CDH13: variants seen among roughly 807,000 people sequenced by gnomAD.
CDH13 encodes cadherin-13.
CDH13 carries 24 observed loss-of-function variants against 63.8 expected under a neutral mutation model. The observed-to-expected ratio is 0.38, with a 90% CI of 0.27 to 0.53. The LOEUF (loss-of-function observed/expected upper bound fraction) is 0.53. Ranked by LOEUF, CDH13 falls within the 20% of genes least tolerant of loss-of-function variation. CDH13 has a pLI of 0.85. For synonymous variants in CDH13, 503 were observed against 355.3 expected (o/e 1.42, Z -4.67); for missense variants, 1,049 against 903.1 (o/e 1.16, Z -2.07).
At chr16:83,776,409 ATTTCT>A (rs1233760450) in intron 11 of CDH13, among the ~76,000 whole-genome samples, 8 of 152,226 alleles carry the variant, frequency 5.3e-5, no homozygotes, top group Admixed American at 5.2e-4. Flanking sequence ...GTAATTATGC[ATTTCT>A]TTTGAGTTTG....
At chr16:82,823,704 A>G (rs964893122) in intron 1 of CDH13, 1 of 152,196 alleles carries the variant, frequency 6.6e-6, no homozygotes, top group Non-Finnish European at 1.5e-5. Context: ...TATATAAAAT[A>G]TAGTATAATA....
chr16:83,700,917 G>T (rs3784949), intron 10 of CDH13, among the ~76,000 whole-genome samples: 1,737 of 152,180 alleles, frequency 0.011, 57 homozygotes, highest in Admixed American at 0.068. Flanking sequence ...ACTAATTTTT[G>T]ATTAACAAGG....
At chr16:83,195,284 G>A (rs957004616) in intron 4 of CDH13, among the ~76,000 whole-genome samples, 18 of 152,152 alleles carry the variant, frequency 1.2e-4, no homozygotes, top group African/African-American at 4.3e-4. Context: ...GATATAATAT[G>A]TGTATTATAG....
intron 3 of CDH13, among the ~76,000 whole-genome samples, chr16:83,041,138 A>C (rs1005583015): frequency 2.3e-4 from 35 of 152,230 alleles, no homozygotes; most frequent in Non-Finnish European, 4.6e-4. Context: ...ACTGGAAGTC[A>C]ATACAAGTTG....
intron 1 of CDH13, among the ~76,000 whole-genome samples, chr16:82,716,822 C>T (rs895095270): frequency 6.6e-6 from 1 of 151,636 alleles, no homozygotes; most frequent in Non-Finnish European, 1.5e-5. Context: ...CAGCCAAGCA[C>T]GTGATAACTA....
chr16:82,844,195 G>T (rs1406704300), intron 1 of CDH13, among the ~76,000 whole-genome samples: 1 of 152,162 alleles, frequency 6.6e-6, no homozygotes, highest in African/African-American at 2.4e-5. Context: ...GATGAAGGAA[G>T]AGAGACAGAG....
At chr16:82,632,106 C>G (rs1473260358) in intron 1 of CDH13, among the ~76,000 whole-genome samples, 1 of 152,150 alleles carries the variant, frequency 6.6e-6, no homozygotes, top group Admixed American at 6.5e-5. Context: ...TCAACATGGC[C>G]GTACTTGACA....
intron 1 of CDH13, among the ~76,000 whole-genome samples, chr16:82,759,512 A>G (rs2034747933): frequency 6.6e-6 from 1 of 151,166 alleles, no homozygotes; most frequent in Non-Finnish European, 1.5e-5. Flanking sequence ...GGGATTGTAT[A>G]TTAATATGTA....
chr16:83,053,682 A>C (rs1361918706), intron 3 of CDH13, among the ~76,000 whole-genome samples: 2 of 152,200 alleles, frequency 1.3e-5, no homozygotes, highest in African/African-American at 4.8e-5. Flanking sequence ...GAGCTATGCT[A>C]TTATCAGAGG....
intron 10 of CDH13, among the ~76,000 whole-genome samples, chr16:83,722,420 G>C (rs1042806387): frequency 6.6e-6 from 1 of 152,202 alleles, no homozygotes; most frequent in Non-Finnish European, 1.5e-5. Context: ...GGGGCCAGTT[G>C]TTACCATCTC....
At chr16:83,671,035 T>C in intron 9 of CDH13, 63 bp downstream of exon 9, 2 of 1,370,564 alleles carry the variant, frequency 1.5e-6, no homozygotes, top group South Asian at 2.9e-5. Flanking sequence ...ATGAGGCAGC[T>C]CATAGAATCA....
rs199899121 is a variant in CDH13 at position 82,706,809 on chromosome 16, AAAAAT to A, written c.45+79682_45+79686del. On this transcript the variant is annotated intron_variant, in intron 1 of 13. Coordinates refer to ENST00000567109, the MANE Select transcript of CDH13 (RefSeq NM_001257.5). Reference sequence around the variant, plus strand: ...ACAGAGCGAGACTCTGTCTCAAAAAAAAAATAAAATAAAAAAGAAGTATAGAGGTC... The same window carrying A: ...ACAGAGCGAGACTCTGTCTCAAAAAAAAAATAAAAAAGAAGTATAGAGGTC... Among the ~76,000 whole-genome samples, 975 of 152,240 alleles carry A rather than the reference AAAAAT, an allele frequency of 6.4e-3. 12 individuals are homozygous for A. Among genetic ancestry groups the A allele is most frequent in the African/African-American group, 0.021 (874 of 41,516 alleles).
intron 11 of CDH13, among the ~76,000 whole-genome samples, chr16:83,775,137 G>A (rs1434131020): frequency 1.3e-5 from 2 of 151,700 alleles, no homozygotes; most frequent in East Asian, 3.9e-4. Context: ...TAGAGAAGGA[G>A]GCCTGACACT....
At chr16:83,134,413 C>T (rs1409431916) in intron 4 of CDH13, among the ~76,000 whole-genome samples, 1 of 152,112 alleles carries the variant, frequency 6.6e-6, no homozygotes, top group East Asian at 1.9e-4. Flanking sequence ...TGCTCTGGAA[C>T]TCCTGACCTC....
intron 11 of CDH13, among the ~76,000 whole-genome samples, chr16:83,777,512 G>C (rs2151004882): frequency 6.6e-6 from 1 of 152,360 alleles, no homozygotes; most frequent in Non-Finnish European, 1.5e-5. Context: ...GCCCCTCTCA[G>C]GACACAGCTG....
chr16:83,029,817 G>A (rs1916140781), intron 2 of CDH13, among the ~76,000 whole-genome samples: 1 of 152,094 alleles, frequency 6.6e-6, no homozygotes, highest in Non-Finnish European at 1.5e-5. Flanking sequence ...AAATTCATTG[G>A]GTTGTATGTT....
intron 5 of CDH13, among the ~76,000 whole-genome samples, chr16:83,326,048 C>A (rs10514579): frequency 6.6e-6 from 1 of 151,836 alleles, no homozygotes; most frequent in African/African-American, 2.4e-5. Flanking sequence ...AGAATCAAGA[C>A]TTTAAAATAG....
chr16:83,753,359 C>T (rs1331932396), intron 11 of CDH13, among the ~76,000 whole-genome samples: 1 of 152,140 alleles, frequency 6.6e-6, no homozygotes, highest in African/African-American at 2.4e-5. Flanking sequence ...TCCTGGGCAA[C>T]ATGGCAAAAC....
intron 10 of CDH13, among the ~76,000 whole-genome samples, chr16:83,734,254 G>A (rs1228486541): frequency 6.6e-6 from 1 of 152,158 alleles, no homozygotes; most frequent in Non-Finnish European, 1.5e-5. Context: ...AGCACCAGGG[G>A]TTTGGTCTGG....
Sources: allele counts gnomAD v4.1 joint callset (sites outside exome capture counted in the v4.1 genomes callset), GRCh38; gene constraint gnomAD v4.1.1; transcripts MANE v1.5; gene names NCBI Gene and HGNC (gene_info 2026-07-23, HGNC 2026-07-21).